Variants in SMU1 observed in about 807,000 individuals in gnomAD.
SMU1 encodes SMU1 DNA replication regulator and spliceosomal factor, also known as WD40 repeat-containing protein SMU1.
In SMU1, 2 loss-of-function variants were observed where a neutral mutation model predicts 62.0. The observed-to-expected ratio is 0.03, with a 90% CI of 0.01 to 0.10. SMU1 has a LOEUF of 0.10. SMU1 is among the 10% of genes least tolerant of loss of function. SMU1 has a pLI of 1.00. For synonymous variants in SMU1, 188 were observed against 212.4 expected, an observed-to-expected ratio of 0.89 and a Z score of 1.00; for missense variants, 227 against 622.1, an observed-to-expected ratio of 0.36 and a Z score of 6.76.
chr9:33,050,948 C>T (rs112108691), intron 10 of SMU1, among the ~76,000 whole-genome samples: 3 of 104,228 alleles, frequency 2.9e-5, no homozygotes, highest in Admixed American at 9.9e-5. Context: ...GGTGAAACCC[C>T]GTCTCTACTA....
chr9:33,076,615 A>C lies in SMU1; in HGVS notation c.-7T>G, dbSNP rs1839549490. 1 of 1,613,812 alleles carries C rather than the reference A, an allele frequency of 6.2e-7. No individual in the cohort carries two copies. Among genetic ancestry groups the C allele is most frequent in the Non-Finnish European group, 8.5e-7 (1 of 1,180,022 alleles). On this transcript the variant is annotated 5_prime_UTR_variant, in exon 1 of 12. Coordinates refer to ENST00000397149, the MANE Select transcript of SMU1 (RefSeq NM_018225.3). ...ATTCGATTTCGATCGACATAGCCGT[A>C]TCTCTCCGGGAGCAGGCCCCAGCTC... is the stretch of plus-strand genomic sequence containing the variant.
intron 10 of SMU1, 53 bp downstream of exon 10, chr9:33,053,070 T>C: frequency 6.4e-7 from 1 of 1,555,780 alleles, no homozygotes; most frequent in Non-Finnish European, 8.8e-7. Flanking sequence ...CAGGAAGTGC[T>C]GATTTGGGAA....
intron 3 of SMU1, among the ~76,000 whole-genome samples, chr9:33,069,671 G>A (rs1450845381): frequency 6.6e-6 from 1 of 152,124 alleles, no homozygotes; most frequent in Non-Finnish European, 1.5e-5. Context: ...CCATAGTGGT[G>A]GGTGCCTGTA....
intron 9 of SMU1, among the ~76,000 whole-genome samples, chr9:33,053,622 C>T (rs570427453): frequency 2.0e-5 from 3 of 152,326 alleles, no homozygotes; most frequent in African/African-American, 7.2e-5. Flanking sequence ...ATATCTAATA[C>T]AATGCCCGCA....
chr9:33,076,108 G>A (rs1839543176), intron 1 of SMU1, among the ~76,000 whole-genome samples: 1 of 152,166 alleles, frequency 6.6e-6, no homozygotes, highest in South Asian at 2.1e-4. Context: ...AGGCTAGTTT[G>A]GGGTGAGGTT....
At chr9:33,053,091 T>TA (rs777540756) in intron 10 of SMU1, 32 bp downstream of exon 10, 1,030 of 1,601,878 alleles carry the variant, frequency 6.4e-4, no homozygotes, top group Non-Finnish European at 8.3e-4. Context: ...TGGCCCACAG[T>TA]TCCTGTGCAA....
In SMU1 at chr9:33,058,651, GT is replaced by G. The variant is rs141801786; in HGVS notation, c.751-938del. Reference sequence around the variant, plus strand: ...ATTTTAAATCAGTGGATAAAAGTTAGTAAATAGCTATATGGGGAAAAAACCA... The same window carrying G: ...ATTTTAAATCAGTGGATAAAAGTTAGAAATAGCTATATGGGGAAAAAACCA... On this transcript the variant is annotated intron_variant, in intron 6 of 11. Coordinates refer to ENST00000397149, the MANE Select transcript of SMU1 (RefSeq NM_018225.3). 7.7e-3 allele frequency among the ~76,000 whole-genome samples: 1,169 copies of G among 152,194 alleles called. 12 individuals are homozygous for G. The highest frequency in any genetic ancestry group is 0.027 in the African/African-American group (1,118 of 41,528).
intron 4 of SMU1, among the ~76,000 whole-genome samples, chr9:33,062,980 T>G (rs1839379648): frequency 1.3e-5 from 2 of 152,212 alleles, no homozygotes; most frequent in South Asian, 4.1e-4. Context: ...ATAATGAACT[T>G]TGGAGACAGA....
chr9:33,056,913 T>C lies in SMU1; in HGVS notation c.919A>G (p.Ser307Gly), dbSNP rs912555089. Residue 307 changes from serine (S) to glycine (G), a missense_variant, in exon 8 of 12, where the codon AGT becomes GGT. Physicochemically the swap from Ser to Gly is moderately conservative, Grantham distance 56. Around this residue, in one of 5 missense-constraint regions of SMU1, gnomAD observed 98 missense variants for 195.9 expected, o/e 0.50. Transcript: ENST00000397149. ...AAGCTTAGACAGGTGACACCCTTAC[T>C]GTGTGCCCTCTCAAATCTCCTTAAA... Reference protein sequence around the residue: ...QCLRRFERAHSKGVTCLSFSK... With the variant: ...QCLRRFERAHGKGVTCLSFSK... The C allele has an allele frequency of 8.1e-6, 13 of 1,613,590 alleles. No homozygotes were observed. The highest frequency in any genetic ancestry group is 1.3e-5 in the African/African-American group (1 of 74,864).
chr9:33,073,956 T>C (rs1273272441), intron 1 of SMU1, 150 bp from the exon 2 acceptor site: 4 of 685,788 alleles, frequency 5.8e-6, no homozygotes, highest in African/African-American at 1.8e-5. Flanking sequence ...ATCTAAATTA[T>C]AAGGGGACCC....
At chr9:33,069,639 A>G (rs945120566) in intron 3 of SMU1, among the ~76,000 whole-genome samples, 3 of 151,678 alleles carry the variant, frequency 2.0e-5, no homozygotes, top group African/African-American at 7.3e-5. Flanking sequence ...TGTCGCTACT[A>G]AAAATAGAAA....
chr9:33,053,004 A>T, intron 10 of SMU1, 119 bp downstream of exon 10: 1 of 817,500 alleles, frequency 1.2e-6, no homozygotes, highest in Non-Finnish European at 2.0e-6. Flanking sequence ...AATACAGCTT[A>T]AACGGTTTAC....
intron 5 of SMU1, among the ~76,000 whole-genome samples, chr9:33,061,628 ATTT>A (rs1014450897): frequency 6.6e-6 from 1 of 152,228 alleles, no homozygotes; most frequent in African/African-American, 2.4e-5. Context: ...AGATAAAATC[ATTT>A]TCCTCAAACA....
chr9:33,059,024 G>A (rs542491584), intron 6 of SMU1, among the ~76,000 whole-genome samples: 10 of 152,208 alleles, frequency 6.6e-5, no homozygotes, highest in African/African-American at 2.4e-4. Context: ...AAAAAAATTT[G>A]TGGCTTTTCA....
At chr9:33,049,880 G>C (rs913335244) in intron 10 of SMU1, among the ~76,000 whole-genome samples, 1 of 152,196 alleles carries the variant, frequency 6.6e-6, no homozygotes, top group African/African-American at 2.4e-5. Context: ...CAAGGATGCA[G>C]TGAGCTATGA....
chr9:33,066,238 A>G (rs1839417782), intron 4 of SMU1, among the ~76,000 whole-genome samples: 1 of 152,192 alleles, frequency 6.6e-6, no homozygotes, highest in African/African-American at 2.4e-5. Context: ...AGAGAAAAAG[A>G]AAAAATAGGA....
At chr9:33,065,092 C>T (rs1839405603) in intron 4 of SMU1, among the ~76,000 whole-genome samples, 1 of 152,172 alleles carries the variant, frequency 6.6e-6, no homozygotes, top group African/African-American at 2.4e-5. Flanking sequence ...ATTACATTTA[C>T]AGCTTCAACT....
At chr9:33,048,330 C>T in intron 10 of SMU1, 72 bp from the exon 11 acceptor site, 4 of 1,567,876 alleles carry the variant, frequency 2.6e-6, no homozygotes. Flanking sequence ...GCATTTTAAA[C>T]TGACATTTTT....
chr9:33,066,527 G>C (rs1464103400), intron 4 of SMU1, among the ~76,000 whole-genome samples: 1 of 86,552 alleles, frequency 1.2e-5, no homozygotes, highest in Non-Finnish European at 2.8e-5. Flanking sequence ...AAAAAAAAAG[G>C]CTGGGTGCGG....
Sources: gnomAD v4.1 joint callset for allele counts (sites outside exome capture counted in the v4.1 genomes callset) on GRCh38, gnomAD v4.1.1 for gene constraint, gnomAD v4.1.1 regional missense constraint, MANE v1.5 for transcripts, NCBI Gene and HGNC (gene_info 2026-07-23, HGNC 2026-07-21) for gene names.